Variants in MSL1 observed in about 807,000 individuals in gnomAD.
MSL1 encodes male-specific lethal 1 homolog.
MSL1 carries 21 observed loss-of-function variants against 64.6 expected under a neutral mutation model. The observed-to-expected ratio is 0.33, with a 90% CI of 0.23 to 0.47. The LOEUF (loss-of-function observed/expected upper bound fraction) is 0.47, where lower values mean the gene tolerates loss of function less well. Among genes scored for constraint, MSL1 ranks in the 20% least tolerant of loss-of-function variants. The probability of loss-of-function intolerance (pLI) is 1.00; values close to 1 mark genes in which losing one functional copy is unlikely to be tolerated. For missense variants in MSL1, 664 were observed against 793.2 expected (o/e 0.84, Z 1.96); for synonymous variants, 339 against 329.6 (o/e 1.03, Z -0.31).
In MSL1 at chr17:40,129,585, C is replaced by A; in HGVS notation, c.1333C>A (p.Pro445Thr). The change falls in exon 3 of 9, where the codon CCA becomes ACA. Residue 445 changes from proline (P) to threonine (T), a missense_variant. This residue lies in a region of MSL1 where 119 missense variants were observed against 164.3 expected (regional missense o/e 0.72). Coordinates refer to ENST00000398532, the MANE Select transcript of MSL1 (RefSeq NM_001365919.1). ...GCACCAGCCTCCCCCATCACCGTTA[C>A]CATTACGGGAATCCTCTCCAAAGAA... ...RWHQPPPSPL[P>T]LRESSPKKEE... 6.2e-7 allele frequency: 1 copy of A among 1,612,284 alleles called. No homozygotes were observed. Among genetic ancestry groups the A allele is most frequent in the Non-Finnish European group, 8.5e-7 (1 of 1,179,202 alleles).
At position 40,134,445 on chromosome 17, in the gene MSL1, ACCTTT is replaced by A; in HGVS notation, c.*77_*81del. Reference sequence around the variant, plus strand: ...AGAGTGGCAGAGACCTGTATATGTGACCTTTGTCCTCACATATGTTATCACTCGCT... The same window carrying A: ...AGAGTGGCAGAGACCTGTATATGTGAGTCCTCACATATGTTATCACTCGCT... On this transcript the variant is annotated 3_prime_UTR_variant, in exon 9 of 9. Transcript: ENST00000398532. The A allele has an allele frequency of 8.3e-7, 1 of 1,202,882 alleles. No homozygotes were observed. Among genetic ancestry groups the A allele is most frequent in the Non-Finnish European group, 1.2e-6 (1 of 830,520 alleles). The allele number at this position is 1,202,882 out of a possible 1,614,324, so 74.5% of individuals were successfully genotyped here. A position where few individuals can be genotyped will look rare whatever the true frequency, so the allele number is the denominator to read the frequency against.
At chr17:40,134,245 C>T in intron 8 of MSL1, 34 bp from the exon 9 acceptor site, 1 of 1,535,984 alleles carries the variant, frequency 6.5e-7, no homozygotes, top group Non-Finnish European at 8.8e-7. Context: ...CCCTTCTAGT[C>T]TTGCAAGTTG....
chr17:40,133,446 C>T, intron 6 of MSL1, 88 bp from the exon 7 acceptor site: 10 of 1,492,398 alleles, frequency 6.7e-6, no homozygotes, highest in South Asian at 5.3e-5. Context: ...TTCCTAGCAT[C>T]TGGATTGTGT....
rs1297935460 is a variant in MSL1, at chr17:40,131,686, G to C, written c.1423+102G>C. The stretch of plus-strand genomic sequence containing the variant: ...CCCCATCCACTGGATGTGGGAGACT[G>C]AGATTTCTTGGTGTATGATTGATTA... On this transcript the variant is annotated intron_variant, in intron 4 of 8. Coordinates refer to ENST00000398532, the MANE Select transcript of MSL1 (RefSeq NM_001365919.1). The surrounding 1 kb of genome is among the most constrained non-coding windows in gnomAD (Gnocchi z 4.5). The C allele has an allele frequency of 3.8e-6, 4 of 1,054,266 alleles. No individual in the cohort carries two copies. Among genetic ancestry groups the C allele is most frequent in the Middle Eastern group, 4.1e-4 (2 of 4,838 alleles). 65.3% of individuals were successfully genotyped at this position (1,054,266 alleles called of 1,614,324 possible). A position where few individuals can be genotyped will look rare whatever the true frequency, so the allele number is the denominator to read the frequency against.
chr17:40,127,001 T>C (rs1018514527), intron 2 of MSL1: 37 of 152,714 alleles, frequency 2.4e-4, no homozygotes, highest in African/African-American at 8.9e-4. Flanking sequence ...AGTTAGGAAG[T>C]GTTAAATTCC....
chr17:40,126,152 T>C, intron 1 of MSL1, 31 bp from the exon 2 acceptor site: 1 of 1,599,694 alleles, frequency 6.3e-7, no homozygotes, highest in East Asian at 2.2e-5. Flanking sequence ...TTTTATGTGT[T>C]AAGTCTGCAT....
At chr17:40,127,847 G>A (rs1383220248) in intron 2 of MSL1, among the ~76,000 whole-genome samples, 1 of 152,202 alleles carries the variant, frequency 6.6e-6, no homozygotes, top group Non-Finnish European at 1.5e-5. Context: ...AAGTATAGCC[G>A]GGTGCGGTGG....
chr17:40,123,347 G>A lies in MSL1; in HGVS notation c.735G>A (p.Lys245=). 2.6e-6 allele frequency: 4 copies of A among 1,536,494 alleles called. No individual in the cohort carries two copies. The highest frequency in any genetic ancestry group is 3.5e-6 in the Non-Finnish European group (4 of 1,146,912). The part of the protein sequence containing the change: ...QQQQQLQAKE[K]EIEELKSERD... ...AGCAGCAGCTGCAGGCCAAGGAAAA[G>A]GAGATCGAGGAGCTGAAGTCAGAGA... The change falls in exon 1 of 9, where the codon AAG becomes AAA. Residue 245 remains lysine, a synonymous_variant. Transcript: ENST00000398532.
intron 1 of MSL1, among the ~76,000 whole-genome samples, chr17:40,124,216 T>C (rs576290892): frequency 2.0e-4 from 31 of 152,236 alleles, no homozygotes; most frequent in Admixed American, 3.3e-4. Context: ...CCTTCAGATA[T>C]GAGGGAAGCT....
At chr17:40,128,526 C>A (rs1041694596) in intron 2 of MSL1, among the ~76,000 whole-genome samples, 3 of 151,370 alleles carry the variant, frequency 2.0e-5, no homozygotes, top group African/African-American at 7.3e-5. Flanking sequence ...AGGCATGTGC[C>A]ACCACGCCTG....
intron 2 of MSL1, among the ~76,000 whole-genome samples, chr17:40,127,655 G>C (rs183080474): frequency 1.3e-5 from 2 of 152,198 alleles, no homozygotes; most frequent in East Asian, 3.9e-4. Flanking sequence ...ACTTTTTTTA[G>C]TTTTTGTAGA....
Position 40,131,636 on chromosome 17 carries a change from A to G in MSL1, c.1423+52A>G, listed in dbSNP as rs1598412617. ...TGGGCCTGGGGTGGGGGTTGGTGGG[A>G]TGGTGGATGGTTGGGAGCTGCATTC... On this transcript the variant is annotated intron_variant, in intron 4 of 8. Transcript: ENST00000398532. The surrounding 1 kb of genome is among the most constrained non-coding windows in gnomAD (Gnocchi z 4.5). The G allele has an allele frequency of 6.6e-7, 1 of 1,518,364 alleles. No individual in the cohort carries two copies. Among genetic ancestry groups the G allele is most frequent in the Non-Finnish European group, 9.1e-7 (1 of 1,093,018 alleles). The allele number at this position is 1,518,364 out of a possible 1,614,324, so 94.1% of individuals were successfully genotyped here.
rs960125799 is a variant in MSL1 at position 40,131,819 on chromosome 17, G to C, written c.1424-215G>C. On this transcript the variant is annotated intron_variant, in intron 4 of 8. Transcript: ENST00000398532. The surrounding 1 kb of genome is among the most constrained non-coding windows in gnomAD (Gnocchi z 4.5). Reference sequence around the variant, plus strand: ...ATTGGTTTAGGGTTTTTGTGATCCTGAGTTTGGCAGACTGCAATGGCATTT... The same window carrying C: ...ATTGGTTTAGGGTTTTTGTGATCCTCAGTTTGGCAGACTGCAATGGCATTT... 2 of 613,110 alleles carry C rather than the reference G, an allele frequency of 3.3e-6. No individual in the cohort carries two copies. Among genetic ancestry groups the C allele is most frequent in the Non-Finnish European group, 5.8e-6 (2 of 345,788 alleles). 38.0% of individuals were successfully genotyped at this position (613,110 alleles called of 1,614,324 possible). A position where few individuals can be genotyped will look rare whatever the true frequency, so the allele number is the denominator to read the frequency against.
At position 40,122,035 on chromosome 17, in the gene MSL1, G is replaced by A. The variant is rs1052277792; in HGVS notation, c.-578G>A. Among the ~76,000 whole-genome samples, 4 of 151,696 alleles carry A rather than the reference G, an allele frequency of 2.6e-5. No individual in the cohort carries two copies. The highest frequency in any genetic ancestry group is 9.7e-5 in the African/African-American group (4 of 41,298). ...TACGAGCGGCTCCGTTTTTTTAAAG[G>A]GAAACGCTGAGGCGCCGGGGGTGAC... On this transcript the variant is annotated 5_prime_UTR_variant, in exon 1 of 9. Transcript: ENST00000398532. This position sits in a 1 kb window ranked among gnomAD's most constrained non-coding sequence, Gnocchi z 4.2.
chr17:40,133,221 C>T, intron 6 of MSL1, 112 bp downstream of exon 6: 1 of 978,640 alleles, frequency 1.0e-6, no homozygotes, highest in Non-Finnish European at 1.5e-6. Context: ...GAGTGCTTAA[C>T]ACTCTTACAT....
At position 40,136,399 on chromosome 17, in the gene MSL1, T is replaced by C. The variant is rs1307658577; in HGVS notation, c.*2030T>C. On this transcript the variant is annotated 3_prime_UTR_variant, in exon 9 of 9. Transcript: ENST00000398532. Reference sequence around the variant, plus strand: ...TTATTGTCCCCTCTTCTAGGTTAATTCTCCTTTGATTTGACTTTGTTGAGA... The same window carrying C: ...TTATTGTCCCCTCTTCTAGGTTAATCCTCCTTTGATTTGACTTTGTTGAGA... The C allele has an allele frequency of 1.3e-5, 2 of 152,318 alleles. No individual in the cohort carries two copies. The highest frequency in any genetic ancestry group is 4.8e-5 in the African/African-American group (2 of 41,448). The allele number at this position is 152,318 out of a possible 1,614,324, so 9.4% of individuals were successfully genotyped here.
rs28526298 is a variant in MSL1 at position 40,126,371 on chromosome 17, C to T, written c.957C>T (p.Pro319=). 0.035 allele frequency: 55,729 copies of T among 1,613,918 alleles called. 2,719 individuals carry two copies. Among genetic ancestry groups the T allele is most frequent in the African/African-American group, 0.24 (17,752 of 74,988 alleles). ...CATCCCAGACTCTGCCTCCCAAGCC[C>T]TTCTCATGTGGGCGGAGTGGAAAGG... The part of the protein sequence containing the change: ...SETSQTLPPK[P]FSCGRSGKGH... Residue 319 remains proline, a synonymous_variant, in exon 2 of 9, where the codon CCC becomes CCT. Transcript: ENST00000398532.
chr17:40,124,267 C>T (rs1416290525), intron 1 of MSL1, among the ~76,000 whole-genome samples: 1 of 151,968 alleles, frequency 6.6e-6, no homozygotes, highest in Non-Finnish European at 1.5e-5. Context: ...CTTACAGCTG[C>T]CTAAAAATAA....
chr17:40,122,371 G>A lies in MSL1; in HGVS notation c.-242G>A. ...TGAGGCGAAGGCGGCGGCGGCGGCA[G>A]CAGAGGCGGCGGCGAGGCCCCCATG... On this transcript the variant is annotated 5_prime_UTR_variant, in exon 1 of 9. Coordinates refer to ENST00000398532, the MANE Select transcript of MSL1 (RefSeq NM_001365919.1). The surrounding 1 kb of genome is among the most constrained non-coding windows in gnomAD (Gnocchi z 4.2). 3.8e-6 allele frequency: 1 copy of A among 261,388 alleles called. No individual in the cohort carries two copies. Among genetic ancestry groups the A allele is most frequent in the Non-Finnish European group, 7.2e-6 (1 of 139,774 alleles). 16.2% of individuals were successfully genotyped at this position (261,388 alleles called of 1,614,324 possible).
Sources: gnomAD v4.1 joint callset for allele counts (sites outside exome capture counted in the v4.1 genomes callset) on GRCh38, gnomAD v4.1.1 for gene constraint, gnomAD v4.1.1 regional missense constraint, Gnocchi (gnomAD v3.1) non-coding constraint, MANE v1.5 for transcripts, NCBI Gene and HGNC (gene_info 2026-07-23, HGNC 2026-07-21) for gene names.